BCAN: variants seen among roughly 807,000 people sequenced by gnomAD.
The protein encoded by BCAN is brevican, also known as brevican core protein.
A neutral mutation model predicts 92.4 loss-of-function variants in BCAN; 51 were observed. The observed-to-expected ratio is 0.55, with a 90% CI of 0.44 to 0.70. BCAN has a LOEUF of 0.70. BCAN is among the 30% of genes least tolerant of loss of function. BCAN has a pLI of 0.00. For missense variants in BCAN, 1,140 were observed against 1,212.1 expected (o/e 0.94, Z 0.88); for synonymous variants, 501 against 505.2 (o/e 0.99, Z 0.11).
At position 156,658,133 on chromosome 1, in the gene BCAN, G is replaced by A; in HGVS notation, c.2299G>A (p.Glu767Lys). Reference sequence around the variant, plus strand: ...ACCTCCTCCGTTCCCCCAGCTCTATGAGAACTGGAACCCTGGGCAGCCTGA... The same window carrying A: ...ACCTCCTCCGTTCCCCCAGCTCTATAAGAACTGGAACCCTGGGCAGCCTGA... ...LWSDGVPLLY[E>K]NWNPGQPDSY... Residue 767 changes from glutamate to lysine, a missense_variant, in exon 12 of 14, where the codon GAG becomes AAG. This residue lies in a region of BCAN where 825 missense variants were observed against 871.8 expected (regional missense o/e 0.95). Transcript: ENST00000329117. The surrounding 1 kb of genome is among the most constrained non-coding windows in gnomAD (Gnocchi z 4.4). 6.2e-7 allele frequency: 1 copy of A among 1,613,838 alleles called. No homozygotes were observed. Among genetic ancestry groups the A allele is most frequent in the Non-Finnish European group, 8.5e-7 (1 of 1,179,852 alleles).
intron 7 of BCAN, 53 bp from the exon 8 acceptor site, chr1:156,652,195 C>A: frequency 6.6e-7 from 1 of 1,525,580 alleles, no homozygotes; most frequent in East Asian, 2.3e-5. Flanking sequence ...TTTTTCCTTT[C>A]GGTCCTTGGA....
At chr1:156,651,089 C>T (rs1372708222) in intron 6 of BCAN, among the ~76,000 whole-genome samples, 3 of 152,270 alleles carry the variant, frequency 2.0e-5, no homozygotes, top group Non-Finnish European at 4.4e-5. Flanking sequence ...TTCCTGACCA[C>T]TCCAAAGTAG....
rs754072226 is a variant in BCAN at position 156,657,751 on chromosome 1, C to G, written c.2286C>G (p.Val762=). ...IEGDFLWSDG[V]PLLYENWNPG... is the part of the protein sequence containing the mutation. ...GCGACTTCTTGTGGTCGGATGGCGT[C>G]CCCCTGGTGAGAGGCCCCAGTCGAA... Residue 762 remains valine (V), a synonymous_variant, in exon 11 of 14, where the codon GTC becomes GTG. Coordinates refer to ENST00000329117, the MANE Select transcript of BCAN (RefSeq NM_021948.5). The G allele has an allele frequency of 6.2e-7, 1 of 1,610,354 alleles. No individual in the cohort carries two copies. The highest frequency in any genetic ancestry group is 8.5e-7 in the Non-Finnish European group (1 of 1,178,726).
Position 156,647,384 on chromosome 1 carries a change from C to A in BCAN, c.467-124C>A. ...TACCCACAATCTAACTTAAGTCCCT[C>A]ATGCTGTAGAGTGAGCACAATTGAA... On this transcript the variant is annotated intron_variant, in intron 3 of 13. Coordinates refer to ENST00000329117, the MANE Select transcript of BCAN (RefSeq NM_021948.5). The surrounding 1 kb of genome is among the most constrained non-coding windows in gnomAD (Gnocchi z 4.8). 8.5e-7 allele frequency: 1 copy of A among 1,182,750 alleles called. No individual in the cohort carries two copies. Among genetic ancestry groups the A allele is most frequent in the Non-Finnish European group, 1.2e-6 (1 of 850,488 alleles). 73.3% of individuals were successfully genotyped at this position (1,182,750 alleles called of 1,614,324 possible).
intron 2 of BCAN, 87 bp from the exon 3 acceptor site, chr1:156,646,714 G>A: frequency 1.3e-6 from 2 of 1,492,894 alleles, no homozygotes; most frequent in East Asian, 2.4e-5. Context: ...GCCGGAAGGA[G>A]GGATCCTGGA....
Position 156,647,421 on chromosome 1 carries a change from C to A in BCAN, c.467-87C>A. On this transcript the variant is annotated intron_variant, in intron 3 of 13. Coordinates refer to ENST00000329117, the MANE Select transcript of BCAN (RefSeq NM_021948.5). This position sits in a 1 kb window ranked among gnomAD's most constrained non-coding sequence, Gnocchi z 4.8. ...TGAGCACAATTGAACTTTATTTACC[C>A]TTGTGTACAGAGGAGTGACAAGGAG... 7.3e-7 allele frequency: 1 copy of A among 1,364,772 alleles called. No individual in the cohort carries two copies. 84.5% of individuals were successfully genotyped at this position (1,364,772 alleles called of 1,614,324 possible).
rs41267397 is a variant in BCAN, at chr1:156,657,004, G to A, written c.2117G>A (p.Arg706Gln). Residue 706 changes from arginine (R) to glutamine (Q), a missense_variant, in exon 10 of 14, where the codon CGA becomes CAA. Coordinates refer to ENST00000329117, the MANE Select transcript of BCAN (RefSeq NM_021948.5). The part of the protein sequence containing the change: ...QGACYKHFST[R>Q]RSWEEAETQC... ...GCCTGCTACAAGCACTTTTCCACACGAAGGAGCTGGGAGGAGGCAGAGACC... is the reference window on the plus strand; with the variant it reads ...GCCTGCTACAAGCACTTTTCCACACAAAGGAGCTGGGAGGAGGCAGAGACC... 1.2e-6 allele frequency: 2 copies of A among 1,614,170 alleles called. No homozygotes were observed. Among genetic ancestry groups the A allele is most frequent in the Non-Finnish European group, 1.7e-6 (2 of 1,180,016 alleles).
At position 156,659,204 on chromosome 1, in the gene BCAN, C is replaced by A; in HGVS notation, c.*70C>A. The A allele has an allele frequency of 1.7e-6, 2 of 1,174,834 alleles. No individual in the cohort carries two copies. The highest frequency in any genetic ancestry group is 2.4e-6 in the Non-Finnish European group (2 of 844,512). 72.8% of individuals were successfully genotyped at this position (1,174,834 alleles called of 1,614,324 possible). A position where few individuals can be genotyped will look rare whatever the true frequency, so the allele number is the denominator to read the frequency against. On this transcript the variant is annotated 3_prime_UTR_variant, in exon 14 of 14. Transcript: ENST00000329117. ...CCCAAATTTTCCCTCACACCCTGCG[C>A]TCCCGCCACCACAGGAAGTGACAAC...
chr1:156,651,273 A>G (rs1679153237), intron 6 of BCAN, among the ~76,000 whole-genome samples, 183 bp from the exon 7 acceptor site: 1 of 152,204 alleles, frequency 6.6e-6, no homozygotes, highest in Non-Finnish European at 1.5e-5. Context: ...GGCATGACAC[A>G]CTGTAGGCAC....
rs1678831912 is a variant in BCAN, at chr1:156,642,760, C to G, written c.-9+485C>G. Reference sequence around the variant, plus strand: ...CCGCTCTAGGGGGTGGTCGGAGTGCCCATTTCGGCTGGAATCCCAACTCGG... The same window carrying G: ...CCGCTCTAGGGGGTGGTCGGAGTGCGCATTTCGGCTGGAATCCCAACTCGG... On this transcript the variant is annotated intron_variant, in intron 1 of 13. Transcript: ENST00000329117. This position sits in a 1 kb window ranked among gnomAD's most constrained non-coding sequence, Gnocchi z 4.2. 1 of 152,250 alleles carries G rather than the reference C, an allele frequency of 6.6e-6. No homozygotes were observed. The highest frequency in any genetic ancestry group is 2.1e-4 in the South Asian group (1 of 4,828). The allele number at this position is 152,250 out of a possible 1,614,324, so 9.4% of individuals were successfully genotyped here. A position where few individuals can be genotyped will look rare whatever the true frequency, so the allele number is the denominator to read the frequency against.
chr1:156,658,461 C>T lies in BCAN; in HGVS notation c.2438-82C>T. 6.6e-7 allele frequency: 1 copy of T among 1,524,486 alleles called. No homozygotes were observed. The highest frequency in any genetic ancestry group is 8.9e-7 in the Non-Finnish European group (1 of 1,129,158). The allele number at this position is 1,524,486 out of a possible 1,614,324, so 94.4% of individuals were successfully genotyped here. A position where few individuals can be genotyped will look rare whatever the true frequency, so the allele number is the denominator to read the frequency against. On this transcript the variant is annotated intron_variant, in intron 12 of 13. Transcript: ENST00000329117. This position sits in a 1 kb window ranked among gnomAD's most constrained non-coding sequence, Gnocchi z 4.4. Reference sequence around the variant, plus strand: ...CTGATCTTTTTTTGTCATGTTGTGGCCCATTTTTCTCTTCCCCATGGAGAT... The same window carrying T: ...CTGATCTTTTTTTGTCATGTTGTGGTCCATTTTTCTCTTCCCCATGGAGAT...
chr1:156,657,908 T>C (rs1679392459), intron 11 of BCAN, 151 bp downstream of exon 11: 2 of 820,398 alleles, frequency 2.4e-6, no homozygotes, highest in South Asian at 1.8e-5. Flanking sequence ...TGGGCTCTCC[T>C]CCCTTCGTTG....
In BCAN at chr1:156,658,092, G is replaced by A. The variant is rs949961479; in HGVS notation, c.2293-35G>A. On this transcript the variant is annotated intron_variant, in intron 11 of 13. Transcript: ENST00000329117. This position sits in a 1 kb window ranked among gnomAD's most constrained non-coding sequence, Gnocchi z 4.4. ...TAGGCCCTCTCCCGGTGCTCCTGGTGTAGGAGCTCCTCACCACCTCCTCCG... is the reference window on the plus strand; with the variant it reads ...TAGGCCCTCTCCCGGTGCTCCTGGTATAGGAGCTCCTCACCACCTCCTCCG... The A allele has an allele frequency of 1.2e-6, 2 of 1,606,374 alleles. No homozygotes were observed. Among genetic ancestry groups the A allele is most frequent in the Non-Finnish European group, 8.5e-7 (1 of 1,175,680 alleles).
chr1:156,658,641 G>A lies in BCAN; in HGVS notation c.2536G>A (p.Glu846Lys). Residue 846 changes from glutamate to lysine, a missense_variant, in exon 13 of 14, where the codon GAA becomes AAA. By Grantham distance (56) the Glu-to-Lys change is moderately conservative (BLOSUM62 1). Transcript: ENST00000329117. This position sits in a 1 kb window ranked among gnomAD's most constrained non-coding sequence, Gnocchi z 4.4. ...VDTVLRYRCREGLAQRNLPLI... is the reference protein window; with the variant it reads ...VDTVLRYRCRKGLAQRNLPLI... ...CACTGTGCTTCGCTACCGGTGCCGG[G>A]AAGGACTGGCCCAGCGCAATCTGCC... 6.2e-7 allele frequency: 1 copy of A among 1,614,166 alleles called. No individual in the cohort carries two copies. Among genetic ancestry groups the A allele is most frequent in the Non-Finnish European group, 8.5e-7 (1 of 1,180,046 alleles).
rs765590767 is a variant in BCAN at position 156,657,028 on chromosome 1, C to G, written c.2141C>G (p.Thr714Ser). 1.2e-6 allele frequency: 2 copies of G among 1,614,124 alleles called. No individual in the cohort carries two copies. The highest frequency in any genetic ancestry group is 2.7e-5 in the African/African-American group (2 of 74,946). ...STRRSWEEAE[T>S]QCRMYGAHLA... is the part of the protein sequence containing the mutation. ...CGAAGGAGCTGGGAGGAGGCAGAGA[C>G]CCAGTGCCGGATGTACGGCGCGCAT... Residue 714 changes from threonine (T) to serine (S), a missense_variant, in exon 10 of 14, where the codon ACC becomes AGC. By Grantham distance (58) the Thr-to-Ser change is moderately conservative. This residue lies in a region of BCAN where 825 missense variants were observed against 871.8 expected (regional missense o/e 0.95). Transcript: ENST00000329117.
At chr1:156,656,081 A>G (rs1328550609) in intron 8 of BCAN, among the ~76,000 whole-genome samples, 3 of 152,002 alleles carry the variant, frequency 2.0e-5, no homozygotes, top group African/African-American at 7.3e-5. Flanking sequence ...TGAAGTCGGG[A>G]GCGGGAAGAG....
At chr1:156,651,386 GT>G (rs1679158492) in intron 6 of BCAN, 69 bp from the exon 7 acceptor site, 1 of 1,360,380 alleles carries the variant, frequency 7.4e-7, no homozygotes, top group African/African-American at 1.4e-5. Context: ...GAATTCCATG[GT>G]GCAAGCTGTG....
At position 156,648,629 on chromosome 1, in the gene BCAN, C is replaced by T; in HGVS notation, c.831C>T (p.Cys277=). The change falls in exon 6 of 14, where the codon TGC becomes TGT. Residue 277 remains cysteine (C), a synonymous_variant. Transcript: ENST00000329117. ...KLTLEEARAY[C]QERGAEIATT... ...CATTGGAGGAAGCACGGGCGTACTGCCAGGAGCGGGGTGCAGAGATTGCCA... is the reference window on the plus strand; with the variant it reads ...CATTGGAGGAAGCACGGGCGTACTGTCAGGAGCGGGGTGCAGAGATTGCCA... The T allele has an allele frequency of 6.2e-7, 1 of 1,610,256 alleles. No homozygotes were observed. Among genetic ancestry groups the T allele is most frequent in the East Asian group, 2.2e-5 (1 of 44,718 alleles).
At position 156,652,776 on chromosome 1, in the gene BCAN, C is replaced by T. The variant is rs777841175; in HGVS notation, c.1826C>T (p.Ala609Val). 7.4e-6 allele frequency: 12 copies of T among 1,611,066 alleles called. No homozygotes were observed. The African/African-American group carries it at 1.1e-4, about 14-fold the overall frequency. Residue 609 changes from alanine to valine, a missense_variant, in exon 8 of 14, where the codon GCC becomes GTC. Ala to Val is a moderately conservative substitution (Grantham distance 64). Transcript: ENST00000329117. Reference protein sequence around the residue: ...RAPEGTRELEAPSEDNSGRTA... With the variant: ...RAPEGTRELEVPSEDNSGRTA... ...CCTGAGGGTACCAGGGAGCTGGAGG[C>T]CCCCTCTGAAGATAATTCTGGAAGA... is the stretch of plus-strand genomic sequence containing the variant.
Sources: gnomAD v4.1 joint callset for allele counts (sites outside exome capture counted in the v4.1 genomes callset) on GRCh38, gnomAD v4.1.1 for gene constraint, gnomAD v4.1.1 regional missense constraint, Gnocchi (gnomAD v3.1) non-coding constraint, MANE v1.5 for transcripts, NCBI Gene and HGNC (gene_info 2026-07-23, HGNC 2026-07-21) for gene names.